ANOS1: variants seen among roughly 807,000 people sequenced by gnomAD.
ANOS1 encodes anosmin 1, also known as anosmin-1.
ANOS1 carries 6 observed loss-of-function variants against 59.0 expected under a neutral mutation model. That is an observed-to-expected ratio of 0.10 (90% CI 0.06 to 0.20). The LOEUF (loss-of-function observed/expected upper bound fraction) is 0.20. Ranked by LOEUF, ANOS1 falls within the 10% of genes least tolerant of loss-of-function variation. The probability of loss-of-function intolerance (pLI) is 1.00; values close to 1 mark genes in which losing one functional copy is unlikely to be tolerated. For synonymous variants in ANOS1, 217 were observed against 223.4 expected, an observed-to-expected ratio of 0.97 and a Z score of 0.25; for missense variants, 433 against 542.3, an observed-to-expected ratio of 0.80 and a Z score of 2.00.
chrX:8,594,736 G>A (rs144285163), intron 4 of ANOS1, among the ~76,000 whole-genome samples: 6,006 of 64,570 alleles, frequency 0.093, 319 homozygotes, highest in Admixed American at 0.15. Context: ...ACATATATAT[G>A]TGTATATATA....
intron 8 of ANOS1, among the ~76,000 whole-genome samples, chrX:8,563,297 T>A (rs1322603761): frequency 2.7e-5 from 3 of 112,628 alleles, no homozygotes; most frequent in Non-Finnish European, 5.6e-5. Flanking sequence ...AACTACCCTA[T>A]CTTTTAATTG....
At chrX:8,538,472 C>T (rs1459223872) in intron 10 of ANOS1, among the ~76,000 whole-genome samples, 1 of 111,825 alleles carries the variant, frequency 8.9e-6, no homozygotes, top group African/African-American at 3.3e-5. Flanking sequence ...ATCTGCTCAG[C>T]AAATAGTTGT....
chrX:8,673,835 G>C (rs1422272329), intron 2 of ANOS1, among the ~76,000 whole-genome samples: 1 of 111,754 alleles, frequency 8.9e-6, no homozygotes, highest in African/African-American at 3.3e-5. Context: ...AACCACCATA[G>C]GTACAGATGC....
At chrX:8,683,254 A>T (rs1432781603) in intron 2 of ANOS1, among the ~76,000 whole-genome samples, 1 of 111,197 alleles carries the variant, frequency 9.0e-6, no homozygotes, top group African/African-American at 3.3e-5. Flanking sequence ...AAGGACGAGG[A>T]GCGATGAAGG....
At chrX:8,564,262 G>A (rs1250678731) in intron 8 of ANOS1, among the ~76,000 whole-genome samples, 2 of 112,097 alleles carry the variant, frequency 1.8e-5, no homozygotes, top group African/African-American at 6.5e-5. Flanking sequence ...AATTACAATG[G>A]AAAACATCCA....
intron 8 of ANOS1, among the ~76,000 whole-genome samples, chrX:8,563,338 A>G (rs907786817): frequency 5.3e-5 from 6 of 112,531 alleles, no homozygotes; most frequent in African/African-American, 1.9e-4. Flanking sequence ...GTTTTAAAAG[A>G]TAATTAGCAA....
intron 1 of ANOS1, among the ~76,000 whole-genome samples, chrX:8,704,016 G>T (rs181290066): frequency 1.9e-4 from 21 of 110,458 alleles, no homozygotes; most frequent in African/African-American, 6.9e-4. Flanking sequence ...ATTGAATCAT[G>T]GGGGCGGGTT....
At chrX:8,674,522 G>A (rs1046608938) in intron 2 of ANOS1, among the ~76,000 whole-genome samples, 2 of 111,556 alleles carry the variant, frequency 1.8e-5, no homozygotes, top group East Asian at 2.8e-4. Context: ...TGGCTTTCCC[G>A]GGCCACACTG....
chrX:8,534,366 G>T lies in ANOS1; in HGVS notation c.1937C>A (p.Thr646Asn). The T allele has an allele frequency of 8.3e-7, 1 of 1,211,399 alleles. No individual in the cohort carries two copies. The highest frequency in any genetic ancestry group is 3.0e-5 in the East Asian group (1 of 33,812). The change falls in exon 13 of 14, where the codon ACC becomes AAC. Residue 646 changes from threonine (T) to asparagine (N), a missense_variant. By Grantham distance (65) the Thr-to-Asn change is moderately conservative (BLOSUM62 0). Coordinates refer to ENST00000262648, the MANE Select transcript of ANOS1 (RefSeq NM_000216.4). ...VLTPGGEGPA[T>N]IKTFRTPELP... ...CTCCGGCGTCCGGAACGTCTTGATG[G>T]TGGCCGGCCCCTCCCCTCCTGGGGT...
chrX:8,537,045 C>T, intron 10 of ANOS1, 103 bp from the exon 11 acceptor site: 1 of 703,662 alleles, frequency 1.4e-6, no homozygotes. Context: ...GGATGTTTTC[C>T]TATATAGTGT....
intron 9 of ANOS1, among the ~76,000 whole-genome samples, chrX:8,548,387 G>A (rs1403102083): frequency 1.8e-5 from 2 of 112,147 alleles, no homozygotes; most frequent in African/African-American, 6.5e-5. Context: ...CTGTTTGGGA[G>A]GATCTTCCTA....
intron 3 of ANOS1, among the ~76,000 whole-genome samples, chrX:8,611,183 A>G (rs183044960): frequency 9.0e-6 from 1 of 111,055 alleles, no homozygotes; most frequent in East Asian, 2.8e-4. Context: ...AAATATGTCA[A>G]ATAGGATTTT....
At chrX:8,720,951 A>G (rs1294172460) in intron 1 of ANOS1, among the ~76,000 whole-genome samples, 1 of 111,423 alleles carries the variant, frequency 9.0e-6, no homozygotes, top group Non-Finnish European at 1.9e-5. Context: ...ATTTGTAAAG[A>G]AAGTAATTGT....
chrX:8,580,744 T>A (rs1343003957), intron 6 of ANOS1, among the ~76,000 whole-genome samples: 2 of 111,761 alleles, frequency 1.8e-5, no homozygotes, highest in Non-Finnish European at 1.9e-5. Flanking sequence ...ATTTTACCTA[T>A]TTTTGCTGTT....
intron 2 of ANOS1, among the ~76,000 whole-genome samples, chrX:8,668,428 T>TACACACACACAC (rs1191819584): frequency 1.2e-5 from 1 of 83,539 alleles, no homozygotes; most frequent in African/African-American, 4.5e-5. Flanking sequence ...TATATATATA[T>TACACACACACAC]ATACACACAC....
chrX:8,681,126 G>A (rs1200242077), intron 2 of ANOS1, among the ~76,000 whole-genome samples: 3 of 111,316 alleles, frequency 2.7e-5, no homozygotes, highest in Non-Finnish European at 5.7e-5. Flanking sequence ...ACAATGTATT[G>A]CCCTTCATTA....
rs1454610503 is a variant in ANOS1, at chrX:8,554,559, T to TG, written c.1208-462_1208-461insC. 2.9e-3 allele frequency among the ~76,000 whole-genome samples: 286 copies of TG among 97,079 alleles called. 1 individual carries two copies. Among genetic ancestry groups the TG allele is most frequent in the African/African-American group, 0.011 (276 of 24,345 alleles). The allele number at this position is 97,079 out of a possible 115,157, so 84.3% of individuals were successfully genotyped here. A position where few individuals can be genotyped will look rare whatever the true frequency, so the allele number is the denominator to read the frequency against. On this transcript the variant is annotated intron_variant, in intron 8 of 13. Transcript: ENST00000262648. ...CTACAGGAGTTTTTTTTTTTTTTTT[T>TG]TTTTTTTTTTTGTTGTTGTTGTTGT...
At chrX:8,549,193 T>C (rs920988540) in intron 9 of ANOS1, among the ~76,000 whole-genome samples, 1 of 112,581 alleles carries the variant, frequency 8.9e-6, no homozygotes, top group African/African-American at 3.2e-5. Context: ...TCTCTGCTTA[T>C]GGTTTCTTTA....
At chrX:8,672,165 T>TACACACAC (rs111374928) in intron 2 of ANOS1, among the ~76,000 whole-genome samples, 1 of 102,427 alleles carries the variant, frequency 9.8e-6, no homozygotes, top group South Asian at 4.1e-4. Flanking sequence ...CACATGCACA[T>TACACACAC]ACACACACAC....
Sources: gnomAD v4.1 joint callset for allele counts (sites outside exome capture counted in the v4.1 genomes callset) on GRCh38, gnomAD v4.1.1 for gene constraint, MANE v1.5 for transcripts, NCBI Gene and HGNC (gene_info 2026-07-23, HGNC 2026-07-21) for gene names.